The following PLEKHB2 variants were observed in gnomAD, a reference collection of about 807,000 sequenced individuals.
PLEKHB2 encodes the protein pleckstrin homology domain containing B2.
Under a neutral mutation model 36.5 loss-of-function variants are expected in PLEKHB2, and 31 were observed. That is an observed-to-expected ratio of 0.85 (90% CI 0.64 to 1.15). The LOEUF is 1.15. Ranked by LOEUF, PLEKHB2 falls within the 50% of genes most tolerant of loss-of-function variation. The pLI is 0.00. For missense variants in PLEKHB2, 262 were observed against 295.3 expected (o/e 0.89, Z 0.83); for synonymous variants, 119 against 112.0 (o/e 1.06, Z -0.39).
At position 131,140,151 on chromosome 2, in the gene PLEKHB2, G is replaced by A; in HGVS notation, c.424-16G>A. 6.6e-7 allele frequency: 1 copy of A among 1,504,138 alleles called. No individual in the cohort carries two copies. 93.2% of individuals were successfully genotyped at this position (1,504,138 alleles called of 1,614,324 possible). A position where few individuals can be genotyped will look rare whatever the true frequency, so the allele number is the denominator to read the frequency against. The stretch of plus-strand genomic sequence containing the variant: ...GGTTTCACAATTGTATTTCTAATGG[G>A]CCTGTTTCTTTTCAGCAGGCTTATG... On this transcript the variant is annotated splice_polypyrimidine_tract_variant and intron_variant, in intron 6 of 7. Coordinates refer to ENST00000693505, the MANE Select transcript of PLEKHB2 (RefSeq NM_001100623.2).
At chr2:131,119,257 CAAAAA>C (rs895445466) in intron 1 of PLEKHB2, among the ~76,000 whole-genome samples, 11 of 145,772 alleles carry the variant, frequency 7.5e-5, no homozygotes, top group African/African-American at 2.8e-4. Flanking sequence ...ATCCATCTCA[CAAAAA>C]AAAAAGCATG....
intron 4 of PLEKHB2, among the ~76,000 whole-genome samples, chr2:131,127,715 G>C (rs563655629): frequency 6.6e-6 from 1 of 152,360 alleles, no homozygotes; most frequent in Non-Finnish European, 1.5e-5. Flanking sequence ...TGATTCTACT[G>C]AGATGTTCTT....
intron 1 of PLEKHB2, among the ~76,000 whole-genome samples, chr2:131,109,149 A>G (rs1410711203): frequency 6.6e-6 from 1 of 152,160 alleles, no homozygotes; most frequent in Non-Finnish European, 1.5e-5. Flanking sequence ...CTTGGGCAAC[A>G]TAGTGAAACC....
At position 131,124,333 on chromosome 2, in the gene PLEKHB2, G is replaced by A. The variant is rs540077042; in HGVS notation, c.38-1420G>A. On this transcript the variant is annotated intron_variant, in intron 2 of 7. Transcript: ENST00000693505. ...CACGGCAACATAAAGGGAAGTACAC[G>A]AAATGGGATTGTGTGTGTTGGCCAA... Among the ~76,000 whole-genome samples, 3 of 152,292 alleles carry A rather than the reference G, an allele frequency of 2.0e-5. No individual in the cohort carries two copies. The South Asian group carries it at 6.2e-4, about 32-fold the overall frequency.
chr2:131,128,345 A>C (rs1424283913), intron 4 of PLEKHB2, among the ~76,000 whole-genome samples: 1 of 152,178 alleles, frequency 6.6e-6, no homozygotes, highest in Non-Finnish European at 1.5e-5. Flanking sequence ...AAGGAAAAAT[A>C]AGAAAAGGAA....
rs372231070 is a variant in PLEKHB2, at chr2:131,126,796, G to C, written c.293+10G>C. The C allele has an allele frequency of 3.4e-5, 49 of 1,435,628 alleles. No homozygotes were observed. The African/African-American group carries it at 6.0e-4, about 18-fold the overall frequency. The allele number at this position is 1,435,628 out of a possible 1,614,324, so 88.9% of individuals were successfully genotyped here. Reference sequence around the variant, plus strand: ...GCACAGATGATTGCTTGTAAGTTTTGCTTTCTTATGTGTTTAATTTAAAAA... The same window carrying C: ...GCACAGATGATTGCTTGTAAGTTTTCCTTTCTTATGTGTTTAATTTAAAAA... On this transcript the variant is annotated intron_variant, in intron 4 of 7. Coordinates refer to ENST00000693505, the MANE Select transcript of PLEKHB2 (RefSeq NM_001100623.2).
At chr2:131,112,158 G>A (rs1211042667) in intron 1 of PLEKHB2, among the ~76,000 whole-genome samples, 2 of 152,166 alleles carry the variant, frequency 1.3e-5, no homozygotes, top group African/African-American at 4.8e-5. Flanking sequence ...GGGGTTCAAG[G>A]TGATGTTGAT....
intron 1 of PLEKHB2, among the ~76,000 whole-genome samples, chr2:131,117,425 A>C (rs889848202): frequency 5.3e-5 from 8 of 152,152 alleles, no homozygotes; most frequent in Admixed American, 1.3e-4. Flanking sequence ...AGAAACAAAC[A>C]AACCCATTAG....
intron 2 of PLEKHB2, among the ~76,000 whole-genome samples, chr2:131,122,864 G>T (rs1696656046): frequency 6.6e-6 from 1 of 152,194 alleles, no homozygotes; most frequent in Non-Finnish European, 1.5e-5. Context: ...AAGTTTCCTA[G>T]TCTTGGGTTT....
At chr2:131,143,962 A>G (rs1699039081) in intron 7 of PLEKHB2, among the ~76,000 whole-genome samples, 1 of 152,156 alleles carries the variant, frequency 6.6e-6, no homozygotes, top group Non-Finnish European at 1.5e-5. Context: ...CAGTACTCGG[A>G]ATGCTTGCCG....
At chr2:131,130,686 TG>T in intron 4 of PLEKHB2, 34 bp from the exon 5 acceptor site, 1 of 1,493,026 alleles carries the variant, frequency 6.7e-7, no homozygotes. Flanking sequence ...AATGTTGGAT[TG>T]CCTTAAATAA....
intron 2 of PLEKHB2, among the ~76,000 whole-genome samples, chr2:131,122,069 T>C (rs534360656): frequency 5.9e-5 from 9 of 152,208 alleles, no homozygotes; most frequent in African/African-American, 2.2e-4. Flanking sequence ...TGGCTAATTT[T>C]GTATTTTTAG....
chr2:131,105,718 C>A (rs1694637835), intron 1 of PLEKHB2, among the ~76,000 whole-genome samples: 2 of 152,212 alleles, frequency 1.3e-5, no homozygotes, highest in Admixed American at 1.3e-4. Flanking sequence ...GCCTCCGGTC[C>A]TTTCCCCGAG....
At position 131,120,972 on chromosome 2, in the gene PLEKHB2, C is replaced by T. The variant is rs1263259947; in HGVS notation, c.31C>T (p.Arg11Ter). 6 of 1,614,004 alleles carry T rather than the reference C, an allele frequency of 3.7e-6. No individual in the cohort carries two copies. Among genetic ancestry groups the T allele is most frequent in the Non-Finnish European group, 5.1e-6 (6 of 1,179,838 alleles). Residue 11 changes from arginine (R) to a stop codon, truncating the protein, a stop_gained, in exon 2 of 8, where the codon CGA (arginine) becomes TGA (stop). Transcript: ENST00000693505. LOFTEE classifies it high-confidence loss of function. ...GTTTGTGAAGAGTGGCTGGTTGCTG[C>T]GACAGAGTGAGTACAGGATGTGCGG... MAFVKSGWLL[R>*]QSTILKRWKK...
At chr2:131,114,275 G>T (rs1427790269) in intron 1 of PLEKHB2, among the ~76,000 whole-genome samples, 17 of 151,976 alleles carry the variant, frequency 1.1e-4, no homozygotes, top group Admixed American at 1.1e-3. Context: ...ACAGGCGCCC[G>T]CCCCCACGCC....
chr2:131,112,709 A>C (rs375032627), intron 1 of PLEKHB2, among the ~76,000 whole-genome samples: 8 of 152,256 alleles, frequency 5.3e-5, no homozygotes, highest in African/African-American at 1.7e-4. Flanking sequence ...AAAATGATTG[A>C]GGGTCACATT....
Position 131,133,901 on chromosome 2 carries a change from G to GT in PLEKHB2, c.423+926dup, listed in dbSNP as rs537745063. ...CAATAATCCTTTTTATTGCTGAGTGGTTTTTTTTTTTTTTTTGGGATGGAG... is the reference window on the plus strand; with the variant it reads ...CAATAATCCTTTTTATTGCTGAGTGGTTTTTTTTTTTTTTTTTGGGATGGAG... On this transcript the variant is annotated intron_variant, in intron 6 of 7. Transcript: ENST00000693505. Among the ~76,000 whole-genome samples the GT allele has an allele frequency of 9.1e-3, 1,257 of 137,838 alleles. 7 individuals carry two copies. Among genetic ancestry groups the GT allele is most frequent in the Middle Eastern group, 0.011 (3 of 268 alleles). The allele number at this position is 137,838 out of a possible 152,430, so 90.4% of individuals were successfully genotyped here. A position where few individuals can be genotyped will look rare whatever the true frequency, so the allele number is the denominator to read the frequency against.
chr2:131,122,896 G>A (rs1696660853), intron 2 of PLEKHB2, among the ~76,000 whole-genome samples: 1 of 152,184 alleles, frequency 6.6e-6, no homozygotes, highest in Admixed American at 6.5e-5. Context: ...CGTCCCCATG[G>A]TCAGGGGACA....
At chr2:131,128,261 T>G (rs1697294492) in intron 4 of PLEKHB2, among the ~76,000 whole-genome samples, 1 of 152,118 alleles carries the variant, frequency 6.6e-6, no homozygotes, top group Admixed American at 6.5e-5. Flanking sequence ...AACAGCAGTT[T>G]TAGATATCAC....
Sources: allele counts gnomAD v4.1 joint callset (sites outside exome capture counted in the v4.1 genomes callset), GRCh38; gene constraint gnomAD v4.1.1; transcripts MANE v1.5; gene names NCBI Gene and HGNC (gene_info 2026-07-23, HGNC 2026-07-21).